The following ITSN1 variants were observed in gnomAD, a reference collection of about 807,000 sequenced individuals.
The protein encoded by ITSN1 is intersectin 1, also known as intersectin-1.
ITSN1 carries 58 observed loss-of-function variants against 239.8 expected under a neutral mutation model. The observed-to-expected ratio is 0.24, with a 90% confidence interval of 0.20 to 0.30. The LOEUF is 0.30. Among genes scored for constraint, ITSN1 ranks in the 10% least tolerant of loss-of-function variants. The pLI is 1.00. For synonymous variants in ITSN1, 780 were observed against 770.8 expected, an observed-to-expected ratio of 1.01 and a Z score of -0.20; for missense variants, 1,558 against 2,103.3, an observed-to-expected ratio of 0.74 and a Z score of 5.07.
At chr21:33,795,004 A>G (rs1223077738) in intron 17 of ITSN1, among the ~76,000 whole-genome samples, 3 of 152,144 alleles carry the variant, frequency 2.0e-5, no homozygotes, top group African/African-American at 7.2e-5. Flanking sequence ...TTTTATTTTT[A>G]CTTGTAACTT....
intron 29 of ITSN1, among the ~76,000 whole-genome samples, chr21:33,842,847 A>AGTTT (rs1473236047): frequency 1.3e-5 from 2 of 152,280 alleles, no homozygotes; most frequent in East Asian, 3.9e-4. Context: ...TTGATCTGCC[A>AGTTT]GTTTTCATCA....
At chr21:33,738,442 C>T (rs890613842) in intron 5 of ITSN1, among the ~76,000 whole-genome samples, 1 of 152,054 alleles carries the variant, frequency 6.6e-6, no homozygotes, top group African/African-American at 2.4e-5. Flanking sequence ...CACTCTGTCG[C>T]CCAGGCTGGA....
intron 31 of ITSN1, 39 bp downstream of exon 31, chr21:33,858,831 C>A: frequency 7.8e-7 from 1 of 1,285,900 alleles, no homozygotes; most frequent in Non-Finnish European, 1.1e-6. Flanking sequence ...GCTTGGCCTC[C>A]TCGGCTCTCA....
chr21:33,813,906 C>A lies in ITSN1; in HGVS notation c.2568-7C>A. ...TGTTATTCATGGTGTTGTGCTTTTCCCTCCAGGTGGCCCACCAGCACGAAT... is the reference window on the plus strand; with the variant it reads ...TGTTATTCATGGTGTTGTGCTTTTCACTCCAGGTGGCCCACCAGCACGAAT... On this transcript the variant is annotated splice_polypyrimidine_tract_variant and splice_region_variant and intron_variant, in intron 21 of 39. Transcript: ENST00000381318. 6.2e-7 allele frequency: 1 copy of A among 1,612,670 alleles called. No homozygotes were observed. The highest frequency in any genetic ancestry group is 8.5e-7 in the Non-Finnish European group (1 of 1,179,518).
intron 22 of ITSN1, among the ~76,000 whole-genome samples, chr21:33,816,729 A>G (rs960635356): frequency 1.4e-4 from 21 of 152,182 alleles, no homozygotes; most frequent in Non-Finnish European, 2.9e-4. Flanking sequence ...AGGATTAGAC[A>G]GTGCAGAAGG....
chr21:33,722,836 A>G (rs984556937), intron 4 of ITSN1, among the ~76,000 whole-genome samples, 185 bp downstream of exon 4: 2 of 152,220 alleles, frequency 1.3e-5, no homozygotes, highest in South Asian at 2.1e-4. Flanking sequence ...TGGAACTAAA[A>G]CAAAACAACA....
chr21:33,885,225 A>G (rs1985592465), intron 37 of ITSN1, 102 bp downstream of exon 37: 7 of 1,110,570 alleles, frequency 6.3e-6, no homozygotes, highest in African/African-American at 1.5e-5. Context: ...CTGGACCTAG[A>G]GGAGGGGCAT....
At chr21:33,888,063 G>A (rs1986061304) in intron 39 of ITSN1, 89 bp from the exon 40 acceptor site, 2 of 1,342,220 alleles carry the variant, frequency 1.5e-6, no homozygotes, top group Non-Finnish European at 2.1e-6. Flanking sequence ...GAGCATAACA[G>A]TTCATCAGGG....
chr21:33,684,731 G>C (rs973959546), intron 1 of ITSN1, among the ~76,000 whole-genome samples: 2 of 151,352 alleles, frequency 1.3e-5, no homozygotes, highest in African/African-American at 4.9e-5. Context: ...TGACATATAA[G>C]AGAGAAAACA....
chr21:33,739,706 T>C (rs1270784534), intron 5 of ITSN1, among the ~76,000 whole-genome samples: 1 of 152,164 alleles, frequency 6.6e-6, no homozygotes, highest in Non-Finnish European at 1.5e-5. Flanking sequence ...CCTTCCAGGC[T>C]AAAGGAACTG....
At chr21:33,788,756 C>T (rs1482487013) in intron 16 of ITSN1, among the ~76,000 whole-genome samples, 1 of 151,990 alleles carries the variant, frequency 6.6e-6, no homozygotes, top group Non-Finnish European at 1.5e-5. Context: ...AATGAATAAC[C>T]AATCAGTATA....
rs372463479 is a variant in ITSN1 at position 33,772,725 on chromosome 21, G to A, written c.1305+402G>A. Among the ~76,000 whole-genome samples, 71 of 152,124 alleles carry A rather than the reference G, an allele frequency of 4.7e-4. No individual in the cohort carries two copies. In the South Asian group the frequency reaches 0.011, roughly 24 times the overall value. ...CCTGTTTATGGCTGAGTAATATTTC[G>A]TTATATGGGTATACCACATTTTTTA... On this transcript the variant is annotated intron_variant, in intron 12 of 39. Transcript: ENST00000381318.
rs145376740 is a variant in ITSN1 at position 33,799,835 on chromosome 21, A to C, written c.2210A>C (p.Gln737Pro). ...AEKGPLTISA[Q>P]ENVKVVYYRA... ...AAAGGTCCACTTACCATTTCTGCAC[A>C]GGAAAATGTAAAAGTGGTGTATTAC... is the stretch of plus-strand genomic sequence containing the variant. The change falls in exon 19 of 40, where the codon CAG (glutamine) becomes CCG (proline). Residue 737 changes from glutamine to proline, a missense_variant. Coordinates refer to ENST00000381318, the MANE Select transcript of ITSN1 (RefSeq NM_003024.3). 2.0e-4 allele frequency: 330 copies of C among 1,614,046 alleles called. No homozygotes were observed. The highest frequency in any genetic ancestry group is 2.5e-4 in the Non-Finnish European group (299 of 1,179,978).
intron 27 of ITSN1, among the ~76,000 whole-genome samples, chr21:33,833,749 G>T (rs1002373884): frequency 3.3e-5 from 5 of 152,006 alleles, no homozygotes; most frequent in Non-Finnish European, 7.4e-5. Flanking sequence ...CGGTGTGCCT[G>T]TAGTCCCAGC....
At chr21:33,854,533 G>A (rs1016266635) in intron 29 of ITSN1, among the ~76,000 whole-genome samples, 5 of 152,204 alleles carry the variant, frequency 3.3e-5, no homozygotes, top group Admixed American at 1.3e-4. Context: ...CCCCAAACTC[G>A]AGTGTTTCTT....
At chr21:33,861,708 A>G (rs1980562937) in intron 31 of ITSN1, among the ~76,000 whole-genome samples, 1 of 152,098 alleles carries the variant, frequency 6.6e-6, no homozygotes, top group African/African-American at 2.4e-5. Context: ...GCACTTTGGG[A>G]GGCCGAGGCG....
intron 1 of ITSN1, among the ~76,000 whole-genome samples, chr21:33,657,678 C>T (rs2089206297): frequency 6.6e-6 from 1 of 152,060 alleles, no homozygotes; most frequent in African/African-American, 2.4e-5. Flanking sequence ...GGGTGTTGGT[C>T]CCCAACACAG....
intron 1 of ITSN1, among the ~76,000 whole-genome samples, chr21:33,678,582 C>T (rs1281334892): frequency 1.3e-5 from 2 of 152,304 alleles, no homozygotes; most frequent in East Asian, 1.9e-4. Context: ...GCTTTTATAT[C>T]GTGAGCTTCA....
At chr21:33,781,945 C>T (rs1238620125) in intron 15 of ITSN1, 49 bp from the exon 16 acceptor site, 4 of 1,503,292 alleles carry the variant, frequency 2.7e-6, no homozygotes, top group Non-Finnish European at 2.7e-6. Context: ...ACATTTTCCT[C>T]ACTGCAAATT....
Sources: allele counts gnomAD v4.1 joint callset (sites outside exome capture counted in the v4.1 genomes callset), GRCh38; gene constraint gnomAD v4.1.1; transcripts MANE v1.5; gene names NCBI Gene and HGNC (gene_info 2026-07-23, HGNC 2026-07-21).